The following SH2D4B variants were observed in gnomAD, a reference collection of about 807,000 sequenced individuals.
SH2D4B encodes the protein SH2 domain containing 4B, also known as SH2 domain-containing protein 4B.
SH2D4B carries 45 observed loss-of-function variants against 61.5 expected under a neutral mutation model. The observed-to-expected ratio is 0.73, with a 90% confidence interval of 0.58 to 0.94. The LOEUF (loss-of-function observed/expected upper bound fraction) is 0.94. Among genes scored for constraint, SH2D4B ranks in the 40% least tolerant of loss-of-function variants. The pLI is 0.00. For synonymous variants in SH2D4B, 224 were observed against 220.4 expected (o/e 1.02, Z -0.14); for missense variants, 572 against 574.2 (o/e 1.00, Z 0.04).
At chr10:80,552,993 G>T (rs1418552908) in intron 1 of SH2D4B, among the ~76,000 whole-genome samples, 1 of 151,998 alleles carries the variant, frequency 6.6e-6, no homozygotes, top group Non-Finnish European at 1.5e-5. Flanking sequence ...TTGGCTCACT[G>T]CAACCTCTGC....
chr10:80,634,258 TTTTTG>T, intron 6 of SH2D4B, 22 bp from the exon 7 acceptor site: 1 of 1,485,216 alleles, frequency 6.7e-7, no homozygotes, highest in East Asian at 2.5e-5. Context: ...CTGCTGTGTT[TTTTTG>T]TTTTTTTCTA....
chr10:80,628,820 G>C (rs1296061945), intron 6 of SH2D4B, among the ~76,000 whole-genome samples: 2 of 152,036 alleles, frequency 1.3e-5, no homozygotes, highest in Non-Finnish European at 2.9e-5. Context: ...GAGGTCAGGA[G>C]TTTGACCACC....
At chr10:80,571,112 C>T (rs759763301) in intron 2 of SH2D4B, among the ~76,000 whole-genome samples, 5 of 152,060 alleles carry the variant, frequency 3.3e-5, no homozygotes, top group Non-Finnish European at 4.4e-5. Context: ...TGGCCTCAAG[C>T]GATCCTCCTG....
intron 6 of SH2D4B, among the ~76,000 whole-genome samples, chr10:80,632,796 C>G (rs922311318): frequency 4.6e-5 from 7 of 152,076 alleles, no homozygotes; most frequent in Non-Finnish European, 1.0e-4. Context: ...TGGGGGGAAG[C>G]AGCGGGGTGC....
At chr10:80,583,005 G>A (rs1257621674) in intron 3 of SH2D4B, among the ~76,000 whole-genome samples, 1 of 152,196 alleles carries the variant, frequency 6.6e-6, no homozygotes, top group Non-Finnish European at 1.5e-5. Flanking sequence ...AATGAAGCCT[G>A]GAGCATGCTC....
chr10:80,595,630 C>T (rs1842377280), intron 4 of SH2D4B, among the ~76,000 whole-genome samples: 1 of 152,152 alleles, frequency 6.6e-6, no homozygotes, highest in South Asian at 2.1e-4. Flanking sequence ...GTGACTGCTG[C>T]ACTCAGAGGC....
At chr10:80,604,238 A>C (rs541847005) in intron 5 of SH2D4B, among the ~76,000 whole-genome samples, 1 of 152,266 alleles carries the variant, frequency 6.6e-6, no homozygotes, top group African/African-American at 2.4e-5. Flanking sequence ...TTTTTCTCCA[A>C]TTGGAATAGT....
At chr10:80,588,956 T>C (rs551739438) in intron 4 of SH2D4B, among the ~76,000 whole-genome samples, 179 bp downstream of exon 4, 4 of 152,284 alleles carry the variant, frequency 2.6e-5, no homozygotes, top group Admixed American at 2.6e-4. Context: ...GGCTTCATCC[T>C]TGAAGAGCTT....
chr10:80,544,975 C>T (rs1841651820), intron 1 of SH2D4B, among the ~76,000 whole-genome samples: 2 of 152,170 alleles, frequency 1.3e-5, no homozygotes, highest in African/African-American at 4.8e-5. Context: ...ATGCAGAGTT[C>T]TTCACTGGTC....
At chr10:80,587,250 C>T (rs1363890884) in intron 3 of SH2D4B, among the ~76,000 whole-genome samples, 1 of 149,992 alleles carries the variant, frequency 6.7e-6, no homozygotes, top group African/African-American at 2.5e-5. Context: ...ATTCTCGTGC[C>T]TCTTGAGTAA....
chr10:80,579,302 T>C (rs1345643830), intron 3 of SH2D4B, among the ~76,000 whole-genome samples: 2 of 152,148 alleles, frequency 1.3e-5, no homozygotes, highest in Non-Finnish European at 2.9e-5. Context: ...CAGAGGGAAC[T>C]CTGAAGATGA....
At chr10:80,641,841 A>G (rs1018627210) in intron 7 of SH2D4B, among the ~76,000 whole-genome samples, 4 of 152,238 alleles carry the variant, frequency 2.6e-5, no homozygotes, top group African/African-American at 4.8e-5. Flanking sequence ...GAGAGATATC[A>G]TTTATGCCAA....
chr10:80,589,042 C>T (rs574635367), intron 4 of SH2D4B, among the ~76,000 whole-genome samples: 7 of 150,458 alleles, frequency 4.7e-5, no homozygotes, highest in African/African-American at 1.2e-4. Flanking sequence ...CTTGCTCTGT[C>T]GCCTAGGCTG....
intron 6 of SH2D4B, among the ~76,000 whole-genome samples, chr10:80,633,893 C>T (rs1432036771): frequency 2.6e-5 from 4 of 152,210 alleles, no homozygotes; most frequent in Non-Finnish European, 5.9e-5. Flanking sequence ...CTGGACTAGT[C>T]TTTAAAGCAG....
chr10:80,546,815 C>G (rs561320146), intron 1 of SH2D4B, among the ~76,000 whole-genome samples: 1 of 152,296 alleles, frequency 6.6e-6, no homozygotes, highest in African/African-American at 2.4e-5. Flanking sequence ...GCGTGAGCCA[C>G]CGCGCCCAGC....
intron 6 of SH2D4B, among the ~76,000 whole-genome samples, chr10:80,612,950 G>A (rs1409711480): frequency 6.6e-6 from 1 of 152,180 alleles, no homozygotes; most frequent in African/African-American, 2.4e-5. Flanking sequence ...TGTGAAACTG[G>A]CATTGTAACA....
At chr10:80,544,067 C>T (rs1841629796) in intron 1 of SH2D4B, among the ~76,000 whole-genome samples, 1 of 152,058 alleles carries the variant, frequency 6.6e-6, no homozygotes, top group Non-Finnish European at 1.5e-5. Context: ...CTGTCCCCTT[C>T]CACACTGTGG....
chr10:80,591,169 A>G (rs896633895), intron 4 of SH2D4B, among the ~76,000 whole-genome samples: 1 of 151,634 alleles, frequency 6.6e-6, no homozygotes, highest in Non-Finnish European at 1.5e-5. Context: ...GGTTGTTTTC[A>G]CTTTTTGGCT....
At chr10:80,578,053 C>T (rs1842147095) in intron 3 of SH2D4B, among the ~76,000 whole-genome samples, 1 of 151,990 alleles carries the variant, frequency 6.6e-6, no homozygotes, top group Admixed American at 6.6e-5. Context: ...TCACTGCAAC[C>T]TCCGTCTCTT....
Sources: gnomAD v4.1 joint callset for allele counts (sites outside exome capture counted in the v4.1 genomes callset) on GRCh38, gnomAD v4.1.1 for gene constraint, MANE v1.5 for transcripts, NCBI Gene and HGNC (gene_info 2026-07-23, HGNC 2026-07-21) for gene names.